CDH13: variants seen among roughly 807,000 people sequenced by gnomAD.
CDH13 encodes the protein cadherin 13.
A neutral mutation model predicts 63.8 loss-of-function variants in CDH13; 24 were observed. The ratio of observed to expected loss-of-function variants is 0.38; its 90% confidence interval spans 0.27 to 0.53. CDH13 has a LOEUF of 0.53. CDH13 is among the 20% of genes least tolerant of loss of function. The pLI is 0.85. For synonymous variants in CDH13, 503 were observed against 355.3 expected, an observed-to-expected ratio of 1.42 and a Z score of -4.67; for missense variants, 1,049 against 903.1, an observed-to-expected ratio of 1.16 and a Z score of -2.07.
At chr16:82,633,519 C>T (rs950457439) in intron 1 of CDH13, among the ~76,000 whole-genome samples, 3 of 152,316 alleles carry the variant, frequency 2.0e-5, no homozygotes, top group African/African-American at 4.8e-5. Context: ...GCTGGGATTA[C>T]AGGTGCCCGC....
intron 2 of CDH13, among the ~76,000 whole-genome samples, chr16:82,907,816 C>T (rs1410606372): frequency 6.6e-6 from 1 of 152,190 alleles, no homozygotes; most frequent in Non-Finnish European, 1.5e-5. Flanking sequence ...ACTCTGTTCC[C>T]ATTCTATTTC....
At chr16:82,745,783 T>C (rs934740871) in intron 1 of CDH13, among the ~76,000 whole-genome samples, 1 of 152,196 alleles carries the variant, frequency 6.6e-6, no homozygotes, top group African/African-American at 2.4e-5. Flanking sequence ...TAAGTAACTA[T>C]TTCCACATTA....
chr16:82,706,419 C>G (rs2031494155), intron 1 of CDH13, among the ~76,000 whole-genome samples: 1 of 152,158 alleles, frequency 6.6e-6, no homozygotes, highest in Non-Finnish European at 1.5e-5. Flanking sequence ...ACAGACTCAG[C>G]AGCCGTTTCA....
At chr16:83,103,319 T>A (rs1253876497) in intron 3 of CDH13, among the ~76,000 whole-genome samples, 1 of 132,174 alleles carries the variant, frequency 7.6e-6, no homozygotes, top group Non-Finnish European at 1.6e-5. Context: ...AACTCAGCTC[T>A]CACTGCAACC....
chr16:83,004,352 A>T (rs773010633), intron 2 of CDH13, among the ~76,000 whole-genome samples: 40 of 152,234 alleles, frequency 2.6e-4, no homozygotes, highest in African/African-American at 5.8e-4. Flanking sequence ...CATCCAAATC[A>T]GTTAGGATAT....
At chr16:82,917,956 C>T (rs34482883) in intron 2 of CDH13, among the ~76,000 whole-genome samples, 52,566 of 147,824 alleles carry the variant, frequency 0.36, 10,298 homozygotes, top group Non-Finnish European at 0.44. Flanking sequence ...AATGGATGCA[C>T]ATGTGAGGAG....
chr16:83,681,110 T>C (rs1428768288), intron 10 of CDH13, among the ~76,000 whole-genome samples: 5 of 151,760 alleles, frequency 3.3e-5, no homozygotes. Context: ...GCAGGACAGA[T>C]TGTGCCACGA....
intron 8 of CDH13, among the ~76,000 whole-genome samples, chr16:83,617,810 G>T (rs187993215): frequency 2.7e-3 from 402 of 151,688 alleles, no homozygotes; most frequent in Non-Finnish European, 4.5e-3. Flanking sequence ...CATGTATTCT[G>T]TTCTAATATA....
chr16:83,031,711 A>C (rs182334407), intron 2 of CDH13, among the ~76,000 whole-genome samples: 1 of 152,056 alleles, frequency 6.6e-6, no homozygotes, highest in East Asian at 1.9e-4. Context: ...CACTTCCCTC[A>C]AATGTCACTC....
chr16:83,570,803 AAT>A (rs988344791), intron 7 of CDH13, among the ~76,000 whole-genome samples: 4 of 132,980 alleles, frequency 3.0e-5, no homozygotes, highest in East Asian at 4.1e-4. Flanking sequence ...TATATTTATA[AAT>A]ATATATATTT....
intron 4 of CDH13, among the ~76,000 whole-genome samples, chr16:83,190,424 T>G (rs1022545864): frequency 2.0e-5 from 3 of 152,208 alleles, no homozygotes; most frequent in African/African-American, 7.2e-5. Context: ...GAGTTTCACT[T>G]AAAGGGAATG....
intron 7 of CDH13, among the ~76,000 whole-genome samples, chr16:83,517,469 A>G (rs1405899813): frequency 6.6e-6 from 1 of 152,224 alleles, no homozygotes; most frequent in Non-Finnish European, 1.5e-5. Context: ...AGCTTGCAGC[A>G]TGTGGAGCAC....
chr16:83,570,495 C>G (rs1322082489), intron 7 of CDH13, among the ~76,000 whole-genome samples: 1 of 151,906 alleles, frequency 6.6e-6, no homozygotes, highest in Non-Finnish European at 1.5e-5. Context: ...CAAGGAAAAA[C>G]GTACTGCTGC....
At chr16:83,119,944 C>T (rs145231376) in intron 3 of CDH13, among the ~76,000 whole-genome samples, 1 of 152,150 alleles carries the variant, frequency 6.6e-6, no homozygotes, top group African/African-American at 2.4e-5. Context: ...GAGCCACAGG[C>T]CCAGAAACGC....
At chr16:82,981,240 T>C (rs1417733175) in intron 2 of CDH13, among the ~76,000 whole-genome samples, 1 of 152,170 alleles carries the variant, frequency 6.6e-6, no homozygotes, top group Admixed American at 6.5e-5. Context: ...CTAAATTAAT[T>C]ATCAGCCTGT....
chr16:82,984,281 C>T (rs1438004339), intron 2 of CDH13, among the ~76,000 whole-genome samples: 2 of 152,186 alleles, frequency 1.3e-5, no homozygotes, highest in Admixed American at 1.3e-4. Context: ...GGAACCACCC[C>T]AGACTTGAAG....
At chr16:83,620,026 G>T (rs892663461) in intron 8 of CDH13, among the ~76,000 whole-genome samples, 1 of 152,016 alleles carries the variant, frequency 6.6e-6, no homozygotes, top group African/African-American at 2.4e-5. Flanking sequence ...GGAGGGGCCA[G>T]ATCTCACCCA....
chr16:83,107,429 G>T (rs1328011817), intron 3 of CDH13, among the ~76,000 whole-genome samples: 1 of 152,114 alleles, frequency 6.6e-6, no homozygotes, highest in Non-Finnish European at 1.5e-5. Context: ...TTAAATTTTT[G>T]AGAAAAAAAT....
At chr16:82,871,983 C>G (rs1038003159) in intron 2 of CDH13, among the ~76,000 whole-genome samples, 1 of 152,146 alleles carries the variant, frequency 6.6e-6, no homozygotes, top group Non-Finnish European at 1.5e-5. Context: ...TATCCCTAAG[C>G]CAGTTATTAT....
Sources: allele counts gnomAD v4.1 joint callset (sites outside exome capture counted in the v4.1 genomes callset), GRCh38; gene constraint gnomAD v4.1.1; transcripts MANE v1.5; gene names NCBI Gene and HGNC (gene_info 2026-07-23, HGNC 2026-07-21).